The following ZBBX variants were observed in gnomAD, a reference collection of about 807,000 sequenced individuals.
ZBBX encodes the protein zinc finger B-box domain-containing protein 1.
ZBBX carries 101 observed loss-of-function variants against 108.5 expected under a neutral mutation model. That is an observed-to-expected ratio of 0.93 (90% CI 0.79 to 1.10). ZBBX has a LOEUF of 1.10. ZBBX is among the 50% of genes least tolerant of loss of function. ZBBX has a pLI of 0.00. For synonymous variants in ZBBX, 356 were observed against 323.4 expected, an observed-to-expected ratio of 1.10 and a Z score of -1.08; for missense variants, 1,009 against 941.4, an observed-to-expected ratio of 1.07 and a Z score of -0.94.
intron 10 of ZBBX, chr3:167,331,673 T>C: frequency 1.0e-6 from 1 of 967,214 alleles, no homozygotes; most frequent in Non-Finnish European, 1.2e-6. Context: ...CAGAGTCCAA[T>C]ATGACCTTGC....
At chr3:167,279,585 A>G (rs1224912732) in intron 20 of ZBBX, among the ~76,000 whole-genome samples, 2 of 151,022 alleles carry the variant, frequency 1.3e-5, no homozygotes, top group East Asian at 1.9e-4. Flanking sequence ...CCACTGCTCA[A>G]TGAAATAAAA....
Position 167,356,104 on chromosome 3 carries a change from C to A in ZBBX, c.432+3766G>T, listed in dbSNP as rs192182174. Among the ~76,000 whole-genome samples the A allele has an allele frequency of 3.8e-4, 58 of 152,206 alleles. 1 individual carries two copies. The highest frequency in any genetic ancestry group is 9.6e-4 in the East Asian group (5 of 5,190). On this transcript the variant is annotated intron_variant, in intron 8 of 21. Coordinates refer to ENST00000675490, the MANE Select transcript of ZBBX (RefSeq NM_001199201.2). ...GAGTAGGAGTCACAAAAAATATTGACTCATAGCTCCTGTATAATTCGTTTT... is the reference window on the plus strand; with the variant it reads ...GAGTAGGAGTCACAAAAAATATTGAATCATAGCTCCTGTATAATTCGTTTT...
chr3:167,263,616 G>T (rs1724963828), intron 20 of ZBBX, among the ~76,000 whole-genome samples: 1 of 152,144 alleles, frequency 6.6e-6, no homozygotes, highest in Non-Finnish European at 1.5e-5. Flanking sequence ...GATATTTTAT[G>T]ACTTGTTTTG....
At chr3:167,319,491 C>T (rs147051203) in intron 12 of ZBBX, among the ~76,000 whole-genome samples, 336 of 152,052 alleles carry the variant, frequency 2.2e-3, no homozygotes, top group African/African-American at 7.8e-3. Flanking sequence ...CTGTACACCA[C>T]AAGTTTATTC....
intron 9 of ZBBX, among the ~76,000 whole-genome samples, chr3:167,345,726 T>C (rs1325516626): frequency 1.3e-5 from 2 of 151,750 alleles, no homozygotes; most frequent in Non-Finnish European, 2.9e-5. Context: ...TTAAATTTCA[T>C]ATGGAACCAA....
chr3:167,356,590 A>G (rs968278473), intron 8 of ZBBX, among the ~76,000 whole-genome samples: 1 of 152,108 alleles, frequency 6.6e-6, no homozygotes, highest in African/African-American at 2.4e-5. Context: ...ATGCTGCAGT[A>G]CCTTCAATGA....
chr3:167,363,206 C>T (rs959335105), intron 6 of ZBBX, among the ~76,000 whole-genome samples: 1 of 151,984 alleles, frequency 6.6e-6, no homozygotes, highest in Non-Finnish European at 1.5e-5. Flanking sequence ...GAGCCTCCTA[C>T]AAATCCATGC....
intron 20 of ZBBX, among the ~76,000 whole-genome samples, chr3:167,270,592 T>C (rs1376986762): frequency 6.6e-6 from 1 of 152,176 alleles, no homozygotes; most frequent in Non-Finnish European, 1.5e-5. Context: ...GTAGCCTTCT[T>C]ATCAAAGGTT....
At chr3:167,195,225 A>C in the ZBBX span, among the ~76,000 whole-genome samples, 1 of 152,200 alleles carries the variant, frequency 6.6e-6, no homozygotes, top group Non-Finnish European at 1.5e-5. Context: ...CAAATGTAGC[A>C]TCAAAGGTCT....
intron 20 of ZBBX, among the ~76,000 whole-genome samples, chr3:167,246,557 C>T (rs1486055746): frequency 6.6e-6 from 1 of 152,156 alleles, no homozygotes; most frequent in Non-Finnish European, 1.5e-5. Flanking sequence ...AGTTAATTAT[C>T]TGTGAAGTCA....
At chr3:167,337,253 C>T (rs1046544147) in intron 9 of ZBBX, among the ~76,000 whole-genome samples, 8 of 152,066 alleles carry the variant, frequency 5.3e-5, no homozygotes, top group African/African-American at 1.9e-4. Flanking sequence ...CAGGGTGGCT[C>T]ATGCCTGTAA....
At chr3:167,313,723 T>C (rs796813625) in intron 16 of ZBBX, among the ~76,000 whole-genome samples, 7 of 152,350 alleles carry the variant, frequency 4.6e-5, no homozygotes, top group African/African-American at 1.7e-4. Flanking sequence ...TGTAATCTTT[T>C]AAATGCTAGC....
chr3:167,356,017 G>A (rs544112688), intron 8 of ZBBX, among the ~76,000 whole-genome samples: 4 of 151,786 alleles, frequency 2.6e-5, no homozygotes, highest in Admixed American at 6.6e-5. Flanking sequence ...CTTTATTTTC[G>A]GGTCAAGCCC....
chr3:167,207,790 C>T, the ZBBX span, among the ~76,000 whole-genome samples: 2 of 151,996 alleles, frequency 1.3e-5, no homozygotes, highest in African/African-American at 4.8e-5. Context: ...CACCAGTCAC[C>T]CTCCCCACAG....
intron 9 of ZBBX, among the ~76,000 whole-genome samples, chr3:167,339,618 T>C (rs1392297422): frequency 6.6e-6 from 1 of 152,150 alleles, no homozygotes; most frequent in Non-Finnish European, 1.5e-5. Flanking sequence ...CAAGCCCTGT[T>C]AATTAGGTGG....
chr3:167,191,860 T>C, the ZBBX span, among the ~76,000 whole-genome samples: 1 of 140,650 alleles, frequency 7.1e-6, no homozygotes, highest in Non-Finnish European at 1.5e-5. Context: ...TTAGTGAATG[T>C]TTTTGCAATG....
In ZBBX at chr3:167,242,566, TCTGA is replaced by T; in HGVS notation, c.2328_2331del (p.Ser776ArgfsTer12). 1 of 1,613,800 alleles carries T rather than the reference TCTGA, an allele frequency of 6.2e-7. No homozygotes were observed. Among genetic ancestry groups the T allele is most frequent in the East Asian group, 2.2e-5 (1 of 44,806 alleles). ...GAGGTCTTAAGGAAATCTGTGGAAA[TCTGA>T]CTTATATTCAGTGATTGGCTGCTGA... On this transcript the variant is annotated frameshift_variant, in exon 21 of 22. Transcript: ENST00000675490. LOFTEE classifies it high-confidence loss of function.
intron 20 of ZBBX, chr3:167,248,692 C>T (rs1424534029): frequency 2.2e-6 from 1 of 456,434 alleles, no homozygotes. Context: ...AGCCAGGCAA[C>T]AGGTATAATG....
intron 11 of ZBBX, among the ~76,000 whole-genome samples, chr3:167,323,677 T>C (rs1316834531): frequency 6.6e-6 from 1 of 152,144 alleles, no homozygotes; most frequent in Non-Finnish European, 1.5e-5. Context: ...TATAAGAATG[T>C]GCATAAGATT....
Sources: gnomAD v4.1 joint callset for allele counts (sites outside exome capture counted in the v4.1 genomes callset) on GRCh38, gnomAD v4.1.1 for gene constraint, MANE v1.5 for transcripts, NCBI Gene and HGNC (gene_info 2026-07-23, HGNC 2026-07-21) for gene names.